The following DGKG variants were observed in gnomAD, a reference collection of about 807,000 sequenced individuals.
DGKG encodes the protein diacylglycerol kinase gamma.
Under a neutral mutation model 105.3 loss-of-function variants are expected in DGKG, and 78 were observed. The observed-to-expected ratio is 0.74, with a 90% CI of 0.62 to 0.89. The LOEUF (loss-of-function observed/expected upper bound fraction) is 0.89, where lower values mean the gene tolerates loss of function less well. Ranked by LOEUF, DGKG falls within the 40% of genes least tolerant of loss-of-function variation. DGKG has a pLI of 0.00. For synonymous variants in DGKG, 346 were observed against 367.1 expected (o/e 0.94, Z 0.66); for missense variants, 958 against 1,020.1 (o/e 0.94, Z 0.83).
intron 20 of DGKG, among the ~76,000 whole-genome samples, chr3:186,234,022 G>A (rs1233981197): frequency 2.0e-5 from 3 of 152,162 alleles, no homozygotes; most frequent in Non-Finnish European, 4.4e-5. Context: ...GGGCTTGAAC[G>A]TAAAATAGGA....
intron 1 of DGKG, among the ~76,000 whole-genome samples, chr3:186,351,144 G>A (rs1726611530): frequency 6.6e-6 from 1 of 152,162 alleles, no homozygotes. Context: ...ATGACTTACA[G>A]TTGGTTGGTC....
intron 21 of DGKG, among the ~76,000 whole-genome samples, chr3:186,205,577 G>A (rs976605278): frequency 6.6e-5 from 10 of 152,068 alleles, no homozygotes; most frequent in African/African-American, 7.2e-5. Flanking sequence ...AGGTGTGGTG[G>A]CGGGCACCTA....
At chr3:186,229,327 G>A (rs572014078) in intron 20 of DGKG, among the ~76,000 whole-genome samples, 1 of 150,576 alleles carries the variant, frequency 6.6e-6, no homozygotes, top group South Asian at 2.1e-4. Flanking sequence ...TGCAACCTCC[G>A]CCTCCCGGGT....
intron 22 of DGKG, among the ~76,000 whole-genome samples, chr3:186,184,761 GCTCATTCC>G (rs1717539749): frequency 6.6e-6 from 1 of 152,028 alleles, no homozygotes; most frequent in African/African-American, 2.4e-5. Flanking sequence ...CCTATGATAA[GCTCATTCC>G]CTCCTACTGT....
intron 22 of DGKG, among the ~76,000 whole-genome samples, chr3:186,175,734 C>T (rs1307643417): frequency 4.6e-5 from 7 of 152,066 alleles, no homozygotes; most frequent in South Asian, 2.1e-4. Flanking sequence ...AAGCAAGAAT[C>T]GACACATGGG....
At chr3:186,207,137 G>A (rs1578664842) in intron 21 of DGKG, among the ~76,000 whole-genome samples, 1 of 152,170 alleles carries the variant, frequency 6.6e-6, no homozygotes, top group African/African-American at 2.4e-5. Context: ...GCCTTCCTTT[G>A]TGGTCTCATA....
chr3:186,345,957 TG>T (rs1468025890), intron 1 of DGKG, among the ~76,000 whole-genome samples: 1 of 152,096 alleles, frequency 6.6e-6, no homozygotes, highest in Non-Finnish European at 1.5e-5. Context: ...TTAATAGCGA[TG>T]GGGTTTCACC....
At chr3:186,190,473 G>A (rs1299413112) in intron 21 of DGKG, among the ~76,000 whole-genome samples, 1 of 152,182 alleles carries the variant, frequency 6.6e-6, no homozygotes, top group Non-Finnish European at 1.5e-5. Context: ...CAAAGCTCAT[G>A]TAAGAGTTCA....
chr3:186,284,681 C>G lies in DGKG; in HGVS notation c.573G>C (p.Glu191Asp). Residue 191 changes from glutamate to aspartate, a missense_variant, in exon 7 of 25, where the codon GAG becomes GAC. Physicochemically the swap from Glu to Asp is conservative, Grantham distance 45. Transcript: ENST00000265022. This position sits in a 1 kb window ranked among gnomAD's most constrained non-coding sequence, Gnocchi z 4.0. ...EFMFRLYDSDENGLLDQAEMD... is the reference protein window; with the variant it reads ...EFMFRLYDSDDNGLLDQAEMD... ...TTACCGCTTGGTCCAGGAGACCGTT[C>G]TCATCTGAATCATAGAGGCGAAACA... 6.2e-7 allele frequency: 1 copy of G among 1,613,928 alleles called. No homozygotes were observed.
intron 2 of DGKG, among the ~76,000 whole-genome samples, chr3:186,308,542 C>T (rs182985053): frequency 1.1e-4 from 17 of 152,180 alleles, no homozygotes; most frequent in African/African-American, 3.4e-4. Context: ...TAGACATATT[C>T]GTGGGCTGGG....
chr3:186,152,330 C>A (rs540980870), intron 24 of DGKG, among the ~76,000 whole-genome samples: 1 of 152,122 alleles, frequency 6.6e-6, no homozygotes, highest in Admixed American at 6.6e-5. Flanking sequence ...TATCCCAGGA[C>A]GCACGGAAGC....
At chr3:186,244,128 G>T (rs1490388257) in intron 19 of DGKG, among the ~76,000 whole-genome samples, 1 of 151,850 alleles carries the variant, frequency 6.6e-6, no homozygotes, top group Non-Finnish European at 1.5e-5. Context: ...AACCTCAGGT[G>T]ATCTGCCCGC....
intron 1 of DGKG, among the ~76,000 whole-genome samples, chr3:186,355,787 A>AC (rs1726928163): frequency 6.6e-6 from 1 of 152,174 alleles, no homozygotes; most frequent in African/African-American, 2.4e-5. Context: ...CACTACCATC[A>AC]CCTTCATGAG....
At chr3:186,272,933 TAGCC>T (rs1722388620) in intron 10 of DGKG, among the ~76,000 whole-genome samples, 1 of 152,126 alleles carries the variant, frequency 6.6e-6, no homozygotes, top group Non-Finnish European at 1.5e-5. Flanking sequence ...TTCACCATGT[TAGCC>T]AGGCTGGTCT....
chr3:186,210,813 C>T lies in DGKG; in HGVS notation c.1917+982G>A, dbSNP rs1718999860. The T allele has an allele frequency of 3.0e-6, 1 of 337,882 alleles. No individual in the cohort carries two copies. The highest frequency in any genetic ancestry group is 2.2e-5 in the African/African-American group (1 of 45,040). 20.9% of individuals were successfully genotyped at this position (337,882 alleles called of 1,614,324 possible). A position where few individuals can be genotyped will look rare whatever the true frequency, so the allele number is the denominator to read the frequency against. On this transcript the variant is annotated intron_variant, in intron 21 of 24. Transcript: ENST00000265022. This position sits in a 1 kb window ranked among gnomAD's most constrained non-coding sequence, Gnocchi z 5.2. ...GGCTGCCTCTTCCACTTATTTTCCTCAAGTGAAAAGAAGACTACGGGCCTA... is the reference window on the plus strand; with the variant it reads ...GGCTGCCTCTTCCACTTATTTTCCTTAAGTGAAAAGAAGACTACGGGCCTA...
chr3:186,175,633 G>A (rs1056510682), intron 22 of DGKG, among the ~76,000 whole-genome samples: 4 of 152,178 alleles, frequency 2.6e-5, no homozygotes, highest in Non-Finnish European at 5.9e-5. Context: ...AGGCCTGGGA[G>A]CCAGCAGAGC....
At chr3:186,272,049 C>T (rs1048991611) in intron 11 of DGKG, among the ~76,000 whole-genome samples, 3 of 152,126 alleles carry the variant, frequency 2.0e-5, no homozygotes, top group African/African-American at 7.2e-5. Flanking sequence ...ACCTGTGTAC[C>T]CCCTAGCATG....
chr3:186,207,440 T>C, intron 21 of DGKG: 1 of 985,122 alleles, frequency 1.0e-6, no homozygotes, highest in Non-Finnish European at 1.2e-6. Flanking sequence ...TCAGCCTGTG[T>C]CCCCCTTCTC....
chr3:186,174,462 T>C (rs1716975686), intron 22 of DGKG, among the ~76,000 whole-genome samples: 1 of 151,436 alleles, frequency 6.6e-6, no homozygotes, highest in Admixed American at 6.6e-5. Flanking sequence ...AGGAGAAGGT[T>C]GGGGGAGGAT....
Sources: allele counts gnomAD v4.1 joint callset (sites outside exome capture counted in the v4.1 genomes callset), GRCh38; gene constraint gnomAD v4.1.1; non-coding constraint Gnocchi (gnomAD v3.1); transcripts MANE v1.5; gene names NCBI Gene and HGNC (gene_info 2026-07-23, HGNC 2026-07-21).